Variants in RGS7 observed in about 807,000 individuals in gnomAD.
The protein encoded by RGS7 is regulator of G-protein signaling 7.
Under a neutral mutation model 81.1 loss-of-function variants are expected in RGS7, and 27 were observed. The ratio of observed to expected loss-of-function variants is 0.33; its 90% CI spans 0.25 to 0.46. The LOEUF is 0.46. Among genes scored for constraint, RGS7 ranks in the 20% least tolerant of loss-of-function variants. The probability of loss-of-function intolerance (pLI) is 1.00; values close to 1 mark genes in which losing one functional copy is unlikely to be tolerated. For missense variants in RGS7, 396 were observed against 607.4 expected, an observed-to-expected ratio of 0.65 and a Z score of 3.66; for synonymous variants, 208 against 207.7, an observed-to-expected ratio of 1.00 and a Z score of -0.01.
intron 9 of RGS7, among the ~76,000 whole-genome samples, chr1:240,853,079 A>G (rs1660398953): frequency 6.6e-6 from 1 of 152,234 alleles, no homozygotes. Context: ...ATAATGAGGT[A>G]AAATGTAGGA....
At chr1:240,857,541 T>A (rs1237898100) in intron 9 of RGS7, among the ~76,000 whole-genome samples, 1 of 152,166 alleles carries the variant, frequency 6.6e-6, no homozygotes, top group African/African-American at 2.4e-5. Flanking sequence ...TTCCTCTTCA[T>A]CATCCCTGCT....
intron 2 of RGS7, among the ~76,000 whole-genome samples, chr1:241,340,277 G>A (rs2082467517): frequency 6.6e-6 from 1 of 152,162 alleles, no homozygotes; most frequent in Non-Finnish European, 1.5e-5. Context: ...ACAAAACCAA[G>A]TGAATGGTAA....
At chr1:241,151,543 C>G (rs953035385) in intron 2 of RGS7, among the ~76,000 whole-genome samples, 1 of 149,288 alleles carries the variant, frequency 6.7e-6, no homozygotes, top group African/African-American at 2.5e-5. Context: ...GTCAAGTGAA[C>G]TGACAGGATG....
intron 2 of RGS7, among the ~76,000 whole-genome samples, chr1:241,246,519 G>GC (rs1292092617): frequency 6.6e-6 from 1 of 152,078 alleles, no homozygotes; most frequent in Non-Finnish European, 1.5e-5. Flanking sequence ...GTTTAAGAAG[G>GC]CATGTGTTAA....
At chr1:241,209,903 C>T (rs1299063182) in intron 2 of RGS7, among the ~76,000 whole-genome samples, 1 of 151,956 alleles carries the variant, frequency 6.6e-6, no homozygotes, top group Non-Finnish European at 1.5e-5. Flanking sequence ...TTAATCTTGA[C>T]AGAATCTTTA....
At chr1:240,855,902 GA>G (rs1360504231) in intron 9 of RGS7, among the ~76,000 whole-genome samples, 1 of 151,838 alleles carries the variant, frequency 6.6e-6, no homozygotes, top group South Asian at 2.1e-4. Flanking sequence ...AAAATATATT[GA>G]AAAAAATTGT....
Position 240,938,659 on chromosome 1 carries a change from C to T in RGS7, c.227-1953G>A, listed in dbSNP as rs375200199. ...TGATCTCTCCCTGCATTGTTCTTGC[C>T]GATAATAAAGAACAACTGCCAATTA... On this transcript the variant is annotated intron_variant, in intron 4 of 18. Coordinates refer to ENST00000440928, the MANE Select transcript of RGS7 (RefSeq NM_001364886.1). Among the ~76,000 whole-genome samples, 46 of 152,140 alleles carry T rather than the reference C, an allele frequency of 3.0e-4. 1 individual carries two copies. The highest frequency in any genetic ancestry group is 1.9e-3 in the East Asian group (10 of 5,164).
At chr1:241,176,721 A>C in intron 2 of RGS7, among the ~76,000 whole-genome samples, 1 of 152,016 alleles carries the variant, frequency 6.6e-6, no homozygotes, top group East Asian at 1.9e-4. Context: ...GGCTGACTGT[A>C]ATATTAACTT....
intron 3 of RGS7, among the ~76,000 whole-genome samples, chr1:241,067,705 GGGTTTCA>G (rs2062151340): frequency 6.6e-6 from 1 of 151,982 alleles, no homozygotes; most frequent in Non-Finnish European, 1.5e-5. Flanking sequence ...AATAGAGATG[GGGTTTCA>G]CCATGTTGGC....
At position 241,040,017 on chromosome 1, in the gene RGS7, C is replaced by A. The variant is rs543696864; in HGVS notation, c.176-56888G>T. On this transcript the variant is annotated intron_variant, in intron 3 of 18. Coordinates refer to ENST00000440928, the MANE Select transcript of RGS7 (RefSeq NM_001364886.1). ...ATGTAAAATGATTTCAAGTGCCCAACGGCTGAATTTCTTAATATGCTATCC... is the reference window on the plus strand; with the variant it reads ...ATGTAAAATGATTTCAAGTGCCCAAAGGCTGAATTTCTTAATATGCTATCC... 2.4e-4 allele frequency among the ~76,000 whole-genome samples: 36 copies of A among 152,292 alleles called. 1 individual carries two copies. In the South Asian group the frequency reaches 6.4e-3, roughly 27 times the overall value.
chr1:241,233,615 C>T (rs2075778849), intron 2 of RGS7, among the ~76,000 whole-genome samples: 1 of 152,172 alleles, frequency 6.6e-6, no homozygotes, highest in Non-Finnish European at 1.5e-5. Context: ...ACATCTACCA[C>T]ATTTTTCTTA....
intron 3 of RGS7, among the ~76,000 whole-genome samples, chr1:241,054,533 G>A (rs895247278): frequency 9.9e-5 from 15 of 152,238 alleles, no homozygotes; most frequent in African/African-American, 3.6e-4. Context: ...TCCCATTTGA[G>A]CACCTGATAT....
chr1:241,130,503 A>T (rs1252527936), intron 2 of RGS7, among the ~76,000 whole-genome samples: 1 of 152,164 alleles, frequency 6.6e-6, no homozygotes, highest in African/African-American at 2.4e-5. Flanking sequence ...GGAAGTAAAT[A>T]CTGCTACAAA....
intron 3 of RGS7, among the ~76,000 whole-genome samples, chr1:240,994,144 A>C (rs547719870): frequency 6.0e-4 from 92 of 152,334 alleles, no homozygotes; most frequent in African/African-American, 1.6e-3. Context: ...TTTTTCTTTC[A>C]AAATTGTTTT....
chr1:241,325,420 G>A (rs115430849), intron 2 of RGS7, among the ~76,000 whole-genome samples: 1,840 of 152,184 alleles, frequency 0.012, 44 homozygotes, highest in African/African-American at 0.042. Context: ...AGTTACTCAC[G>A]CTAAGCTATA....
chr1:241,034,597 CTT>C (rs1358036325), intron 3 of RGS7, among the ~76,000 whole-genome samples: 1 of 152,164 alleles, frequency 6.6e-6, no homozygotes, highest in Admixed American at 6.6e-5. Context: ...ACAATAAAAA[CTT>C]TTAAAAATAC....
At chr1:241,067,251 T>C (rs888452797) in intron 3 of RGS7, among the ~76,000 whole-genome samples, 3 of 152,184 alleles carry the variant, frequency 2.0e-5, no homozygotes, top group Non-Finnish European at 2.9e-5. Context: ...TTTCGAAGTA[T>C]AAGGATTGTG....
chr1:241,298,884 A>G (rs994071211), intron 2 of RGS7, among the ~76,000 whole-genome samples: 1 of 152,186 alleles, frequency 6.6e-6, no homozygotes, highest in African/African-American at 2.4e-5. Context: ...TTTTTTCCAC[A>G]GTATTTTGAC....
chr1:241,073,592 A>G (rs1035205020), intron 3 of RGS7, among the ~76,000 whole-genome samples: 1 of 152,212 alleles, frequency 6.6e-6, no homozygotes, highest in Admixed American at 6.5e-5. Flanking sequence ...ATTGTCAGTA[A>G]TGTGGTGAAA....
Sources: gnomAD v4.1 joint callset for allele counts (sites outside exome capture counted in the v4.1 genomes callset) on GRCh38, gnomAD v4.1.1 for gene constraint, MANE v1.5 for transcripts, NCBI Gene and HGNC (gene_info 2026-07-23, HGNC 2026-07-21) for gene names.